The following PKP4 variants were observed in gnomAD, a reference collection of about 807,000 sequenced individuals.
PKP4 encodes plakophilin 4.
A neutral mutation model predicts 145.1 loss-of-function variants in PKP4; 90 were observed. The observed-to-expected ratio is 0.62, with a 90% confidence interval of 0.52 to 0.74. The LOEUF (loss-of-function observed/expected upper bound fraction) is 0.74. Among genes scored for constraint, PKP4 ranks in the 30% least tolerant of loss-of-function variants. The pLI, the probability that PKP4 is intolerant of heterozygous loss-of-function variation, is 0.00. For synonymous variants in PKP4, 563 were observed against 577.2 expected, an observed-to-expected ratio of 0.98 and a Z score of 0.35; for missense variants, 1,340 against 1,482.7, an observed-to-expected ratio of 0.90 and a Z score of 1.58.
At chr2:158,671,172 A>AT (rs1390446350) in intron 17 of PKP4, among the ~76,000 whole-genome samples, 1 of 152,096 alleles carries the variant, frequency 6.6e-6, no homozygotes, top group Admixed American at 6.6e-5. Context: ...TTTGGTGAAT[A>AT]TTTATTAATT....
rs1406591183 is a variant in PKP4, at chr2:158,676,856, G to T, written c.3245G>T (p.Gly1082Val). 3 of 1,613,898 alleles carry T rather than the reference G, an allele frequency of 1.9e-6. No individual in the cohort carries two copies. The highest frequency in any genetic ancestry group is 8.5e-7 in the Non-Finnish European group (1 of 1,180,028). Residue 1082 changes from glycine to valine, a missense_variant, in exon 20 of 22, where the codon GGC (glycine) becomes GTC (valine). Transcript: ENST00000389759. ...YNSQGDATHK[G>V]LYPGSSKPSP... ...AGCCAAGGGGATGCCACACATAAAGGCCTGTACCCTGGTAAGACGCCAGTT... is the reference window on the plus strand; with the variant it reads ...AGCCAAGGGGATGCCACACATAAAGTCCTGTACCCTGGTAAGACGCCAGTT...
At chr2:158,520,116 A>T (rs2042247504) in intron 1 of PKP4, among the ~76,000 whole-genome samples, 1 of 152,188 alleles carries the variant, frequency 6.6e-6, no homozygotes, top group Non-Finnish European at 1.5e-5. Flanking sequence ...ATCAAGATAG[A>T]ATTTCCAGTT....
chr2:158,672,072 C>A (rs1197079470), intron 17 of PKP4, among the ~76,000 whole-genome samples: 1 of 152,150 alleles, frequency 6.6e-6, no homozygotes, highest in Non-Finnish European at 1.5e-5. Context: ...CCCACCCCAG[C>A]GTGGTGATCT....
intron 2 of PKP4, among the ~76,000 whole-genome samples, chr2:158,574,496 ATCAG>A (rs749278856): frequency 2.0e-5 from 3 of 152,206 alleles, no homozygotes; most frequent in African/African-American, 4.8e-5. Context: ...TACTGTCCTC[ATCAG>A]TCAGTCAAAG....
chr2:158,667,487 GGA>G (rs1394752203), intron 16 of PKP4, among the ~76,000 whole-genome samples: 2 of 152,186 alleles, frequency 1.3e-5, no homozygotes, highest in South Asian at 4.1e-4. Context: ...CAGGGGAGAA[GGA>G]GGGGAAATGG....
At chr2:158,530,375 A>G (rs563401039) in intron 1 of PKP4, among the ~76,000 whole-genome samples, 6 of 152,296 alleles carry the variant, frequency 3.9e-5, no homozygotes, top group Admixed American at 3.3e-4. Flanking sequence ...AAAATGGTTC[A>G]GCAACCTATC....
At chr2:158,494,862 A>G (rs1695451403) in intron 1 of PKP4, among the ~76,000 whole-genome samples, 1 of 150,222 alleles carries the variant, frequency 6.7e-6, no homozygotes, top group South Asian at 2.1e-4. Flanking sequence ...AGATGAAATA[A>G]ATGATCATTG....
intron 1 of PKP4, among the ~76,000 whole-genome samples, chr2:158,460,898 A>G (rs183623177): frequency 1.9e-4 from 29 of 152,318 alleles, no homozygotes; most frequent in South Asian, 2.1e-4. Flanking sequence ...AGGACTAGGT[A>G]TGTTTGGAGA....
chr2:158,559,326 G>A (rs573321996), intron 2 of PKP4, among the ~76,000 whole-genome samples: 53 of 152,048 alleles, frequency 3.5e-4, no homozygotes, highest in Non-Finnish European at 6.6e-4. Flanking sequence ...TGTGGGTCTC[G>A]GTGGTAGACT....
intron 2 of PKP4, among the ~76,000 whole-genome samples, chr2:158,560,875 G>A (rs991461470): frequency 2.6e-5 from 4 of 152,138 alleles, no homozygotes; most frequent in Admixed American, 1.3e-4. Context: ...AGAGCCTAGC[G>A]TCAGATCCAA....
chr2:158,526,772 G>T (rs200429367), intron 1 of PKP4, among the ~76,000 whole-genome samples: 10 of 75,046 alleles, frequency 1.3e-4, no homozygotes, highest in East Asian at 4.8e-4. Flanking sequence ...AAGCTGATAA[G>T]CAACTTCAGC....
At chr2:158,580,951 G>T (rs776640143) in intron 3 of PKP4, among the ~76,000 whole-genome samples, 1 of 152,162 alleles carries the variant, frequency 6.6e-6, no homozygotes, top group African/African-American at 2.4e-5. Flanking sequence ...CACCCCCATG[G>T]CCCTGGCACA....
rs1574896595 is a variant in PKP4 at position 158,636,904 on chromosome 2, T to G, written c.1562+2615T>G. 2.0e-5 allele frequency among the ~76,000 whole-genome samples: 3 copies of G among 152,316 alleles called. No individual in the cohort carries two copies. The South Asian group carries it at 6.2e-4, about 32-fold the overall frequency. ...TCACTCCTTATATACATCTTTTTCTTTAAGTCTTTGACACATTTATCATAA... is the reference window on the plus strand; with the variant it reads ...TCACTCCTTATATACATCTTTTTCTGTAAGTCTTTGACACATTTATCATAA... On this transcript the variant is annotated intron_variant, in intron 9 of 21. Coordinates refer to ENST00000389759, the MANE Select transcript of PKP4 (RefSeq NM_003628.6).
intron 4 of PKP4, among the ~76,000 whole-genome samples, chr2:158,603,765 C>T (rs915983944): frequency 6.6e-6 from 1 of 152,164 alleles, no homozygotes; most frequent in Non-Finnish European, 1.5e-5. Context: ...GTCCCTGTCC[C>T]CTTCCCCCAT....
chr2:158,563,227 A>T (rs3771608), intron 2 of PKP4, among the ~76,000 whole-genome samples: 2 of 151,928 alleles, frequency 1.3e-5, no homozygotes, highest in Non-Finnish European at 1.5e-5. Flanking sequence ...GTTTTACGTA[A>T]GCAAACAACT....
intron 2 of PKP4, among the ~76,000 whole-genome samples, chr2:158,573,578 A>G (rs551269162): frequency 2.0e-5 from 3 of 151,974 alleles, no homozygotes; most frequent in African/African-American, 7.2e-5. Context: ...GTTATTGTCT[A>G]TAATTTTCTG....
chr2:158,640,029 C>T (rs2105928678), intron 9 of PKP4, among the ~76,000 whole-genome samples: 1 of 152,286 alleles, frequency 6.6e-6, no homozygotes, highest in African/African-American at 2.4e-5. Flanking sequence ...CACATGTGTG[C>T]ACATTTGCAC....
chr2:158,501,175 C>T (rs1361181655), intron 1 of PKP4, among the ~76,000 whole-genome samples: 2 of 152,286 alleles, frequency 1.3e-5, no homozygotes, highest in Admixed American at 1.3e-4. Flanking sequence ...GGCCTTAATA[C>T]TCTCTGGGTT....
In PKP4 at chr2:158,523,371, C is replaced by A. The variant is rs565147813; in HGVS notation, c.-5-9809C>A. ...GGGAGGCACCCCCCCAGCAGGGGCA[C>A]ACTGACACCTCACACGGCAGGGTAT... is the stretch of plus-strand genomic sequence containing the variant. On this transcript the variant is annotated intron_variant, in intron 1 of 21. Transcript: ENST00000389759. Among the ~76,000 whole-genome samples the A allele has an allele frequency of 2.2e-3, 266 of 122,574 alleles. 4 individuals are homozygous for A. The highest frequency in any genetic ancestry group is 8.1e-3 in the African/African-American group (257 of 31,806). The allele number at this position is 122,574 out of a possible 152,430, so 80.4% of individuals were successfully genotyped here. A position where few individuals can be genotyped will look rare whatever the true frequency, so the allele number is the denominator to read the frequency against.
Sources: allele counts gnomAD v4.1 joint callset (sites outside exome capture counted in the v4.1 genomes callset), GRCh38; gene constraint gnomAD v4.1.1; transcripts MANE v1.5; gene names NCBI Gene and HGNC (gene_info 2026-07-23, HGNC 2026-07-21).